Variants in SUFU observed in about 807,000 individuals in gnomAD.
SUFU encodes the protein suppressor of fused homolog.
A neutral mutation model predicts 58.9 loss-of-function variants in SUFU; 7 were observed. That is an observed-to-expected ratio of 0.12 (90% CI 0.07 to 0.22). The LOEUF (loss-of-function observed/expected upper bound fraction) is 0.22. SUFU is among the 10% of genes least tolerant of loss of function. The probability of loss-of-function intolerance (pLI) is 1.00; values close to 1 mark genes in which losing one functional copy is unlikely to be tolerated. For synonymous variants in SUFU, 232 were observed against 254.8 expected (o/e 0.91, Z 0.85); for missense variants, 451 against 641.3 (o/e 0.70, Z 3.20).
chr10:102,589,396 G>A lies in SUFU; in HGVS notation c.455-3186G>A, dbSNP rs185645397. 1.5e-4 allele frequency among the ~76,000 whole-genome samples: 22 copies of A among 146,540 alleles called. No homozygotes were observed. In the East Asian group the frequency reaches 4.4e-3, roughly 30 times the overall value. On this transcript the variant is annotated intron_variant, in intron 3 of 11. Transcript: ENST00000369902. ...AATATCATGCTATCCATGAATAGAG[G>A]CAGTTTTACTTCTTCCTTTCCAATC...
At chr10:102,515,184 C>G (rs985419599) in intron 2 of SUFU, among the ~76,000 whole-genome samples, 2 of 152,216 alleles carry the variant, frequency 1.3e-5, no homozygotes, top group Non-Finnish European at 2.9e-5. Context: ...TAGCTGGGCT[C>G]TGCACCCGCA....
intron 3 of SUFU, among the ~76,000 whole-genome samples, chr10:102,568,401 TAAATA>T (rs2063115133): frequency 1.3e-5 from 2 of 152,340 alleles, no homozygotes; most frequent in East Asian, 1.9e-4. Flanking sequence ...CTTTGTAACT[TAAATA>T]AATATATGTT....
At chr10:102,552,021 G>T (rs1373971135) in intron 3 of SUFU, among the ~76,000 whole-genome samples, 1 of 151,946 alleles carries the variant, frequency 6.6e-6, no homozygotes, top group Non-Finnish European at 1.5e-5. Context: ...CACTGTGCCC[G>T]ACCTTATTAT....
At chr10:102,525,580 G>A (rs1437482171) in intron 2 of SUFU, among the ~76,000 whole-genome samples, 1 of 152,152 alleles carries the variant, frequency 6.6e-6, no homozygotes, top group Non-Finnish European at 1.5e-5. Context: ...TCAGTTCACT[G>A]CAACCTCTGC....
rs1455960649 is a variant in SUFU, at chr10:102,593,919, CAG to C, written c.684-73_684-72del. On this transcript the variant is annotated intron_variant, in intron 5 of 11. Transcript: ENST00000369902. ...TGTGTCCTAGGCCTGGGGCAGCAAA[CAG>C]GGCAGGCTGTAGGCCCAGCCCATCA... The C allele has an allele frequency of 4.5e-6, 7 of 1,566,546 alleles. No individual in the cohort carries two copies. The African/African-American group carries it at 9.5e-5, about 21-fold the overall frequency.
At chr10:102,506,434 A>G (rs2062328203) in intron 1 of SUFU, among the ~76,000 whole-genome samples, 2 of 152,108 alleles carry the variant, frequency 1.3e-5, no homozygotes, top group Admixed American at 6.6e-5. Flanking sequence ...GCTGGAGTGC[A>G]GTGGCACGAT....
chr10:102,514,153 C>T (rs2062436103), intron 2 of SUFU, among the ~76,000 whole-genome samples: 1 of 152,080 alleles, frequency 6.6e-6, no homozygotes, highest in Admixed American at 6.6e-5. Flanking sequence ...TCTCAAAGTG[C>T]TGGAATTGCA....
chr10:102,560,310 C>T (rs1319950242), intron 3 of SUFU, among the ~76,000 whole-genome samples: 3 of 152,102 alleles, frequency 2.0e-5, no homozygotes, highest in Non-Finnish European at 4.4e-5. Context: ...TGGCTCACAC[C>T]TGTAATCCCA....
chr10:102,595,504 G>T lies in SUFU; in HGVS notation c.756+1439G>T, dbSNP rs1393907531. Reference sequence around the variant, plus strand: ...CCAGCATGGGGCACTGTGGGCCGTTGTTTGGCCCCTGTCATAAGTGCCAAG... The same window carrying T: ...CCAGCATGGGGCACTGTGGGCCGTTTTTTGGCCCCTGTCATAAGTGCCAAG... On this transcript the variant is annotated intron_variant, in intron 6 of 11. Coordinates refer to ENST00000369902, the MANE Select transcript of SUFU (RefSeq NM_016169.4). Among the ~76,000 whole-genome samples, 5 of 152,186 alleles carry T rather than the reference G, an allele frequency of 3.3e-5. No individual in the cohort carries two copies. In the South Asian group the frequency reaches 8.3e-4, roughly 25 times the overall value.
In SUFU at chr10:102,617,811, C is replaced by T. The variant is rs1590084672; in HGVS notation, c.1296+383C>T. ...GGGAGGATGTGTGGAGGCCACTCTC[C>T]AATGGCTACATGGAAATCCCACCAG... On this transcript the variant is annotated intron_variant, in intron 10 of 11. Transcript: ENST00000369902. This position sits in a 1 kb window ranked among gnomAD's most constrained non-coding sequence, Gnocchi z 4.4. 2.1e-6 allele frequency: 1 copy of T among 483,260 alleles called. No individual in the cohort carries two copies. The highest frequency in any genetic ancestry group is 3.2e-5 in the East Asian group (1 of 31,080). 29.9% of individuals were successfully genotyped at this position (483,260 alleles called of 1,614,324 possible).
intron 8 of SUFU, among the ~76,000 whole-genome samples, chr10:102,610,395 A>AAAAAAAAG (rs1554853962): frequency 2.7e-5 from 4 of 149,816 alleles, no homozygotes; most frequent in Non-Finnish European, 6.0e-5. Context: ...TCTGTCTCAA[A>AAAAAAAAG]AAAAAAAAGA....
intron 2 of SUFU, among the ~76,000 whole-genome samples, chr10:102,514,646 C>T (rs1053888029): frequency 2.0e-5 from 3 of 152,210 alleles, no homozygotes; most frequent in African/African-American, 7.2e-5. Context: ...TGTCAGACAG[C>T]TGAGCCTCAG....
chr10:102,627,963 G>A (rs2063801508), intron 11 of SUFU, among the ~76,000 whole-genome samples: 2 of 152,194 alleles, frequency 1.3e-5, no homozygotes, highest in South Asian at 4.1e-4. Context: ...CAGTGGGATG[G>A]GAGCTTTCCT....
chr10:102,593,289 A>G (rs532671539), intron 4 of SUFU, among the ~76,000 whole-genome samples: 1 of 152,262 alleles, frequency 6.6e-6, no homozygotes, highest in East Asian at 1.9e-4. Context: ...CTGGGTAGGA[A>G]TGGCTCCCTG....
intron 2 of SUFU, among the ~76,000 whole-genome samples, chr10:102,527,229 C>G (rs2062620343): frequency 6.6e-6 from 1 of 151,838 alleles, no homozygotes. Flanking sequence ...GTCTCGATCT[C>G]CTGACCTTGT....
chr10:102,503,145 A>C (rs2062272271), upstream of SUFU, among the ~76,000 whole-genome samples: 1 of 152,202 alleles, frequency 6.6e-6, no homozygotes, highest in Non-Finnish European at 1.5e-5. Context: ...GACTTTAATA[A>C]ACATCTCCTA....
chr10:102,549,743 A>G (rs2062891901), intron 2 of SUFU, among the ~76,000 whole-genome samples: 1 of 152,192 alleles, frequency 6.6e-6, no homozygotes, highest in African/African-American at 2.4e-5. Flanking sequence ...GGCCAGGCCA[A>G]GGTCACATCC....
intron 8 of SUFU, among the ~76,000 whole-genome samples, chr10:102,607,153 A>G (rs983658819): frequency 6.7e-6 from 1 of 149,768 alleles, no homozygotes. Context: ...AGCTCAAGTG[A>G]TCTTCCCTCC....
chr10:102,586,553 G>T (rs2063337685), intron 3 of SUFU, among the ~76,000 whole-genome samples: 1 of 152,014 alleles, frequency 6.6e-6, no homozygotes. Context: ...GGTGCCTGTA[G>T]TCCCAGCTAC....
Sources: allele counts gnomAD v4.1 joint callset (sites outside exome capture counted in the v4.1 genomes callset), GRCh38; gene constraint gnomAD v4.1.1; non-coding constraint Gnocchi (gnomAD v3.1); transcripts MANE v1.5; gene names NCBI Gene and HGNC (gene_info 2026-07-23, HGNC 2026-07-21).